Variants in FBXO21 observed in about 807,000 individuals in gnomAD.
The protein encoded by FBXO21 is F-box only protein 21.
A neutral mutation model predicts 76.6 loss-of-function variants in FBXO21; 32 were observed. That is an observed-to-expected ratio of 0.42 (90% CI 0.32 to 0.56). The LOEUF (loss-of-function observed/expected upper bound fraction) is 0.56. Ranked by LOEUF, FBXO21 falls within the 20% of genes least tolerant of loss-of-function variation. The pLI, the probability that FBXO21 is intolerant of heterozygous loss-of-function variation, is 0.16. For missense variants in FBXO21, 586 were observed against 797.3 expected, an observed-to-expected ratio of 0.73 and a Z score of 3.19; for synonymous variants, 328 against 311.5, an observed-to-expected ratio of 1.05 and a Z score of -0.56.
chr12:117,166,721 C>T (rs979132242), intron 8 of FBXO21, among the ~76,000 whole-genome samples, 177 bp downstream of exon 8: 3 of 152,210 alleles, frequency 2.0e-5, no homozygotes, highest in Admixed American at 2.0e-4. Context: ...TGAAAAATAT[C>T]TTTCCTAGTC....
At chr12:117,170,511 T>C (rs990496688) in intron 7 of FBXO21, among the ~76,000 whole-genome samples, 6 of 152,194 alleles carry the variant, frequency 3.9e-5, no homozygotes, top group Non-Finnish European at 8.8e-5. Context: ...TAAGAAAATA[T>C]GGTCTTGGTA....
intron 9 of FBXO21, 116 bp downstream of exon 9, chr12:117,165,369 G>T: frequency 9.3e-7 from 1 of 1,074,478 alleles, no homozygotes; most frequent in Non-Finnish European, 1.3e-6. Flanking sequence ...TTGGGAGACT[G>T]AATAAATTTG....
chr12:117,167,534 G>A (rs10850782), intron 7 of FBXO21, among the ~76,000 whole-genome samples: 3 of 151,718 alleles, frequency 2.0e-5, no homozygotes, highest in Non-Finnish European at 2.9e-5. Flanking sequence ...ATCACAAGGT[G>A]AGCAGATTGT....
At chr12:117,157,197 AG>A (rs1405175776) in intron 10 of FBXO21, among the ~76,000 whole-genome samples, 1 of 152,008 alleles carries the variant, frequency 6.6e-6, no homozygotes, top group Non-Finnish European at 1.5e-5. Flanking sequence ...AAAAAAAAAA[AG>A]AAAAAAAGAA....
intron 9 of FBXO21, among the ~76,000 whole-genome samples, chr12:117,162,690 T>C (rs78218412): frequency 1.3e-5 from 2 of 152,176 alleles, no homozygotes; most frequent in Admixed American, 6.5e-5. Flanking sequence ...CTCAGGAATG[T>C]CTCCCTTTCA....
rs147009451 is a variant in FBXO21, at chr12:117,155,924, G to A, written c.1542C>T (p.Tyr514=). Residue 514 remains tyrosine, a synonymous_variant, in exon 11 of 12, where the codon TAC becomes TAT. Transcript: ENST00000622495. ...HKRYGYNCVI[Y]GWDPTCMMGH... is the part of the protein sequence containing the mutation. ...CCATCATGCAGGTGGGGTCCCAGCC[G>A]TAGATCACACAGTTATAGCCATACC... is the stretch of plus-strand genomic sequence containing the variant. 6.4e-5 allele frequency: 104 copies of A among 1,614,188 alleles called. No individual in the cohort carries two copies. In the Middle Eastern group the frequency reaches 6.6e-4, roughly 10 times the overall value.
chr12:117,170,963 A>G (rs1187482146), intron 7 of FBXO21, among the ~76,000 whole-genome samples: 1 of 152,194 alleles, frequency 6.6e-6, no homozygotes, highest in Non-Finnish European at 1.5e-5. Context: ...CTATCCAAAA[A>G]TTAAACCATG....
At chr12:117,151,749 A>AG (rs1955844961) in intron 11 of FBXO21, among the ~76,000 whole-genome samples, 1 of 151,834 alleles carries the variant, frequency 6.6e-6, no homozygotes, top group Admixed American at 6.6e-5. Context: ...GGAGAGAGGG[A>AG]GGGGGAAGGG....
At chr12:117,188,749 CCT>C (rs1407051419) in intron 2 of FBXO21, 5 of 154,258 alleles carry the variant, frequency 3.2e-5, no homozygotes, top group African/African-American at 1.2e-4. Context: ...AGCTTTTAAT[CCT>C]CTGTTACCTT....
intron 11 of FBXO21, among the ~76,000 whole-genome samples, chr12:117,147,332 T>C (rs1593054497): frequency 7.1e-6 from 1 of 141,326 alleles, no homozygotes; most frequent in South Asian, 2.3e-4. Context: ...CCAGGTGCAG[T>C]GGCTCATGCC....
chr12:117,143,190 C>G lies in FBXO21; in HGVS notation c.*2897G>C, dbSNP rs1159354603. The G allele has an allele frequency of 1.3e-5, 2 of 152,122 alleles. No individual in the cohort carries two copies. Among genetic ancestry groups the G allele is most frequent in the Non-Finnish European group, 2.9e-5 (2 of 68,024 alleles). 9.4% of individuals were successfully genotyped at this position (152,122 alleles called of 1,614,324 possible). ...CTTTTCAAAGCATGTCTGCAAACAC[C>G]GGACCCCCGGGGACGGTGCGTGCGT... On this transcript the variant is annotated 3_prime_UTR_variant, in exon 12 of 12. Coordinates refer to ENST00000622495, the MANE Select transcript of FBXO21 (RefSeq NM_015002.3).
chr12:117,163,462 G>C (rs1956009285), intron 9 of FBXO21, among the ~76,000 whole-genome samples: 1 of 152,184 alleles, frequency 6.6e-6, no homozygotes, highest in Non-Finnish European at 1.5e-5. Context: ...GAACCCGGGA[G>C]GCAGAGGTGG....
Position 117,146,163 on chromosome 12 carries a change from T to A in FBXO21, c.1790A>T (p.Tyr597Phe). 6.2e-7 allele frequency: 1 copy of A among 1,613,866 alleles called. No individual in the cohort carries two copies. Among genetic ancestry groups the A allele is most frequent in the Non-Finnish European group, 8.5e-7 (1 of 1,179,774 alleles). Residue 597 changes from tyrosine (Y) to phenylalanine (F), a missense_variant, in exon 12 of 12, where the codon TAT becomes TTT. Transcript: ENST00000622495. ...YIPNAELEIR[Y>F]PEDLEFVYET... Reference sequence around the variant, plus strand: ...ATAGACAAACTCCAGATCTTCTGGATACCGGATCTCCAGCTCTGCGTTTGG... The same window carrying A: ...ATAGACAAACTCCAGATCTTCTGGAAACCGGATCTCCAGCTCTGCGTTTGG...
In FBXO21 at chr12:117,163,813, G is replaced by C. The variant is rs115696890; in HGVS notation, c.1326+1672C>G. On this transcript the variant is annotated intron_variant, in intron 9 of 11. Coordinates refer to ENST00000622495, the MANE Select transcript of FBXO21 (RefSeq NM_015002.3). ...ATACAAAAATTAGTCAGGCGTGGTG[G>C]TGTAGCTATAGTCCCAGCTACTCGG... 6.6e-3 allele frequency among the ~76,000 whole-genome samples: 1,000 copies of C among 152,048 alleles called. 22 individuals carry two copies. Among genetic ancestry groups the C allele is most frequent in the African/African-American group, 0.023 (950 of 41,486 alleles).
rs1163521019 is a variant in FBXO21 at position 117,144,533 on chromosome 12, C to T, written c.*1554G>A. The stretch of plus-strand genomic sequence containing the variant: ...CAAACCTTGGTCACCCCAGGGTTTC[C>T]AAAGGGTAAACAAGCAGCAGGCATT... On this transcript the variant is annotated 3_prime_UTR_variant, in exon 12 of 12. Transcript: ENST00000622495. 6.6e-6 allele frequency: 1 copy of T among 152,104 alleles called. No homozygotes were observed. The highest frequency in any genetic ancestry group is 1.9e-4 in the East Asian group (1 of 5,200). 9.4% of individuals were successfully genotyped at this position (152,104 alleles called of 1,614,324 possible).
intron 7 of FBXO21, among the ~76,000 whole-genome samples, chr12:117,169,136 T>C (rs137893993): frequency 6.6e-6 from 1 of 152,324 alleles, no homozygotes; most frequent in East Asian, 1.9e-4. Context: ...TGGAATACTA[T>C]GTAGCCACAA....
intron 6 of FBXO21, 146 bp downstream of exon 6, chr12:117,174,059 C>T (rs1323908306): frequency 3.1e-6 from 2 of 651,516 alleles, no homozygotes; most frequent in Non-Finnish European, 5.4e-6. Context: ...ATCGCCTGAG[C>T]CCAGGAGTTT....
At chr12:117,170,838 T>C (rs150114494) in intron 7 of FBXO21, among the ~76,000 whole-genome samples, 26 of 152,304 alleles carry the variant, frequency 1.7e-4, no homozygotes, top group Non-Finnish European at 2.9e-4. Flanking sequence ...GATTATTACA[T>C]AGGCATTTAA....
intron 11 of FBXO21, among the ~76,000 whole-genome samples, chr12:117,153,676 C>T (rs1285168253): frequency 6.7e-6 from 1 of 150,372 alleles, no homozygotes; most frequent in East Asian, 2.5e-4. Flanking sequence ...CCCAGGACTC[C>T]GAGTCCCTCA....
Sources: allele counts gnomAD v4.1 joint callset (sites outside exome capture counted in the v4.1 genomes callset), GRCh38; gene constraint gnomAD v4.1.1; transcripts MANE v1.5; gene names NCBI Gene and HGNC (gene_info 2026-07-23, HGNC 2026-07-21).